The following TTC16 variants were observed in gnomAD, a reference collection of about 807,000 sequenced individuals.
TTC16 encodes the protein tetratricopeptide repeat protein 16.
In TTC16, 66 loss-of-function variants were observed where a neutral mutation model predicts 80.4. The ratio of observed to expected loss-of-function variants is 0.82; its 90% CI spans 0.67 to 1.01. The LOEUF is 1.01. Ranked by LOEUF, TTC16 falls within the 50% of genes least tolerant of loss-of-function variation. TTC16 has a pLI of 0.00. For synonymous variants in TTC16, 438 were observed against 451.3 expected (o/e 0.97, Z 0.37); for missense variants, 1,070 against 1,103.2 (o/e 0.97, Z 0.43).
intron 9 of TTC16, 132 bp downstream of exon 9, chr9:127,725,029 C>CA: frequency 8.8e-7 from 1 of 1,132,468 alleles, no homozygotes; most frequent in Non-Finnish European, 1.2e-6. Flanking sequence ...CCCTGTAATC[C>CA]CCACGCAGGT....
intron 1 of TTC16, 102 bp from the exon 2 acceptor site, chr9:127,716,742 T>C: frequency 6.9e-7 from 1 of 1,442,958 alleles, no homozygotes; most frequent in East Asian, 2.4e-5. Flanking sequence ...CTTCCAGGCC[T>C]CATTTCCGCC....
chr9:127,720,377 C>G lies in TTC16; in HGVS notation c.639C>G (p.Leu213=). The G allele has an allele frequency of 6.3e-7, 1 of 1,581,522 alleles. No individual in the cohort carries two copies. The highest frequency in any genetic ancestry group is 8.7e-7 in the Non-Finnish European group (1 of 1,151,328). ...ATGTCTACATCTTCCGGGCCAGACTCTACAACTTTCTCCAGAAGGTACAGT... is the reference window on the plus strand; with the variant it reads ...ATGTCTACATCTTCCGGGCCAGACTGTACAACTTTCTCCAGAAGGTACAGT... ...NADVYIFRAR[L]YNFLQKPHLC... The change falls in exon 6 of 14, where the codon CTC becomes CTG. Residue 213 remains leucine (L), a synonymous_variant. Coordinates refer to ENST00000373289, the MANE Select transcript of TTC16 (RefSeq NM_144965.3).
At chr9:127,728,168 C>G (rs1199393798) in intron 12 of TTC16, 1 of 152,254 alleles carries the variant, frequency 6.6e-6, no homozygotes, top group East Asian at 1.9e-4. Flanking sequence ...TTATCCAGAT[C>G]GAGAAAGAAC....
At chr9:127,716,725 G>A in intron 1 of TTC16, 119 bp from the exon 2 acceptor site, 3 of 1,338,008 alleles carry the variant, frequency 2.2e-6, no homozygotes, top group Non-Finnish European at 3.0e-6. Context: ...CCGAGTGGGA[G>A]TGCCTCCTTC....
chr9:127,717,848 G>A (rs2131616736), intron 4 of TTC16, 76 bp downstream of exon 4: 1 of 1,522,318 alleles, frequency 6.6e-7, no homozygotes, highest in East Asian at 2.3e-5. Flanking sequence ...CCTGGGCCCA[G>A]CTCTGTCTCC....
Position 127,722,848 on chromosome 9 carries a change from G to T in TTC16, c.658-271G>T, listed in dbSNP as rs898613698. Among the ~76,000 whole-genome samples, 3 of 151,970 alleles carry T rather than the reference G, an allele frequency of 2.0e-5. No homozygotes were observed. The highest frequency in any genetic ancestry group is 7.3e-5 in the African/African-American group (3 of 41,352). On this transcript the variant is annotated intron_variant, in intron 6 of 13. Transcript: ENST00000373289. The surrounding 1 kb of genome is among the most constrained non-coding windows in gnomAD (Gnocchi z 4.2). ...CCAGGTGTGGTGGCACGCACCTGTA[G>T]TCCCAGCTACTCAGGAGGCTGAGGT...
At chr9:127,724,642 G>T (rs748841257) in intron 8 of TTC16, 114 bp from the exon 9 acceptor site, 1 of 1,388,196 alleles carries the variant, frequency 7.2e-7, no homozygotes, top group Non-Finnish European at 9.6e-7. Context: ...AGACTGCGGC[G>T]GGGGGTTATC....
In TTC16 at chr9:127,730,962, C is replaced by T. The variant is rs1226889663; in HGVS notation, c.2179C>T (p.Gln727Ter). The T allele has an allele frequency of 1.2e-6, 2 of 1,613,260 alleles. No homozygotes were observed. The highest frequency in any genetic ancestry group is 1.7e-5 in the Admixed American group (1 of 59,962). Residue 727 changes from glutamine (Q) to a stop codon, truncating the protein, a stop_gained, in exon 14 of 14, where the codon CAG (glutamine) becomes TAG (stop). Transcript: ENST00000373289. LOFTEE classifies it low-confidence loss of function (END_TRUNC). ...GAACTCCAGCAAGACCAGGGCCACC[C>T]AGGGCCAGGGGCAGAGCTCCAGCAA... The part of the protein sequence containing the change: ...RRNSSKTRAT[Q>*]GQGQSSSKTE...
chr9:127,730,839 G>C lies in TTC16; in HGVS notation c.2056G>C (p.Glu686Gln). Residue 686 changes from glutamate to glutamine, a missense_variant, in exon 14 of 14, where the codon GAG (glutamate) becomes CAG (glutamine). Glu to Gln is a conservative substitution (Grantham distance 29). Coordinates refer to ENST00000373289, the MANE Select transcript of TTC16 (RefSeq NM_144965.3). The stretch of plus-strand genomic sequence containing the variant: ...CCAGAGGCAGAGCCTTAGCAAGACT[G>C]AGCCCACCCAGAGCCAGAGGCGGAA... ...QGQRQSLSKT[E>Q]PTQSQRRNSS... 6.2e-7 allele frequency: 1 copy of C among 1,610,772 alleles called. No homozygotes were observed. The highest frequency in any genetic ancestry group is 8.5e-7 in the Non-Finnish European group (1 of 1,179,128).
At chr9:127,724,995 C>T (rs1375292907) in intron 9 of TTC16, 98 bp downstream of exon 9, 1 of 1,378,046 alleles carries the variant, frequency 7.3e-7, no homozygotes, top group Non-Finnish European at 9.5e-7. Flanking sequence ...CAAGCTGCTT[C>T]TCTCCTCGGG....
At chr9:127,729,550 T>A (rs1844220583) in intron 12 of TTC16, 31 bp from the exon 13 acceptor site, 1 of 1,599,022 alleles carries the variant, frequency 6.3e-7, no homozygotes, top group African/African-American at 1.3e-5. Flanking sequence ...CCTCCTACCA[T>A]CTGAACTACA....
At chr9:127,723,500 CTG>C (rs1477603733) in intron 7 of TTC16, among the ~76,000 whole-genome samples, 167 bp downstream of exon 7, 1 of 152,250 alleles carries the variant, frequency 6.6e-6, no homozygotes, top group African/African-American at 2.4e-5. Context: ...GAGGTGGTCT[CTG>C]TTACTGCTGG....
In TTC16 at chr9:127,731,544, T is replaced by C; in HGVS notation, c.*139T>C. On this transcript the variant is annotated 3_prime_UTR_variant, in exon 14 of 14. Coordinates refer to ENST00000373289, the MANE Select transcript of TTC16 (RefSeq NM_144965.3). Reference sequence around the variant, plus strand: ...AGTCCTCTGGTCCCACAGCTGAGTTTATTATACTTGTTTTCTTTTACAAAA... The same window carrying C: ...AGTCCTCTGGTCCCACAGCTGAGTTCATTATACTTGTTTTCTTTTACAAAA... The C allele has an allele frequency of 2.1e-6, 3 of 1,437,710 alleles. No individual in the cohort carries two copies. The South Asian group carries it at 4.5e-5, about 22-fold the overall frequency. 89.1% of individuals were successfully genotyped at this position (1,437,710 alleles called of 1,614,324 possible). A position where few individuals can be genotyped will look rare whatever the true frequency, so the allele number is the denominator to read the frequency against.
chr9:127,725,221 C>G (rs1405222209), intron 9 of TTC16, among the ~76,000 whole-genome samples: 2 of 152,000 alleles, frequency 1.3e-5, no homozygotes, highest in Non-Finnish European at 1.5e-5. Context: ...TGGCAGTTAG[C>G]CAGGATTGCG....
intron 11 of TTC16, 57 bp downstream of exon 11, chr9:127,727,169 C>G: frequency 2.0e-6 from 3 of 1,520,352 alleles, no homozygotes; most frequent in Non-Finnish European, 1.8e-6. Flanking sequence ...CAGCTCCAGG[C>G]TCCTCTGGCT....
In TTC16 at chr9:127,717,440, G is replaced by A. The variant is rs1238736281; in HGVS notation, c.282+16G>A. 6.2e-7 allele frequency: 1 copy of A among 1,606,426 alleles called. No individual in the cohort carries two copies. Among genetic ancestry groups the A allele is most frequent in the East Asian group, 2.2e-5 (1 of 44,692 alleles). On this transcript the variant is annotated intron_variant, in intron 3 of 13. Transcript: ENST00000373289. Reference sequence around the variant, plus strand: ...CCCACAGCTGGTGAGAGGCAGACCTGGGTGGGCACAGGCAGTTGCTGGAAC... The same window carrying A: ...CCCACAGCTGGTGAGAGGCAGACCTAGGTGGGCACAGGCAGTTGCTGGAAC...
Position 127,729,657 on chromosome 9 carries a change from C to A in TTC16, c.1841C>A (p.Ser614Tyr), listed in dbSNP as rs746376510. The change falls in exon 13 of 14, where the codon TCC (serine) becomes TAC (tyrosine). Residue 614 changes from serine (S) to tyrosine (Y), a missense_variant. Physicochemically the swap from Ser to Tyr is moderately radical, Grantham distance 144 (BLOSUM62 -2). Coordinates refer to ENST00000373289, the MANE Select transcript of TTC16 (RefSeq NM_144965.3). ...DSYLDQTSSA[S>Y]SMSFRTTGTS... ...TACCTTGACCAGACCTCTTCAGCCT[C>A]CAGCATGAGCTGTAAGTCCCTGGTG... 1 of 1,613,410 alleles carries A rather than the reference C, an allele frequency of 6.2e-7. No homozygotes were observed. The highest frequency in any genetic ancestry group is 1.3e-5 in the African/African-American group (1 of 74,956).
chr9:127,724,982 A>G, intron 9 of TTC16, 85 bp downstream of exon 9: 1 of 1,405,394 alleles, frequency 7.1e-7, no homozygotes. Flanking sequence ...TCCCTGGGTC[A>G]ATCAAGCTGC....
At chr9:127,727,636 C>T in intron 12 of TTC16, 171 bp downstream of exon 12, 1 of 1,341,256 alleles carries the variant, frequency 7.5e-7, no homozygotes, top group South Asian at 1.8e-5. Context: ...GGGATGGTAC[C>T]AGCAAGGGGT....
Sources: allele counts gnomAD v4.1 joint callset (sites outside exome capture counted in the v4.1 genomes callset), GRCh38; gene constraint gnomAD v4.1.1; non-coding constraint Gnocchi (gnomAD v3.1); transcripts MANE v1.5; gene names NCBI Gene and HGNC (gene_info 2026-07-23, HGNC 2026-07-21).